Variants in STAMBPL1 observed in about 807,000 individuals in gnomAD.
The protein encoded by STAMBPL1 is STAM binding protein like 1, also known as AMSH-like protease.
In STAMBPL1, 44 loss-of-function variants were observed where a neutral mutation model predicts 52.9. The ratio of observed to expected loss-of-function variants is 0.83; its 90% confidence interval spans 0.65 to 1.07. The LOEUF (loss-of-function observed/expected upper bound fraction) is 1.07. Among genes scored for constraint, STAMBPL1 ranks in the 50% least tolerant of loss-of-function variants. The pLI is 0.00. For missense variants in STAMBPL1, 511 were observed against 520.8 expected, an observed-to-expected ratio of 0.98 and a Z score of 0.18; for synonymous variants, 164 against 177.3, an observed-to-expected ratio of 0.92 and a Z score of 0.60.
At chr10:88,923,102 G>C in intron 10 of STAMBPL1, 66 bp from the exon 11 acceptor site, 10 of 1,187,564 alleles carry the variant, frequency 8.4e-6, no homozygotes, top group Non-Finnish European at 4.8e-6. Context: ...CCTCCCTAAA[G>C]AAAATCATAT....
At chr10:88,905,407 C>A in intron 2 of STAMBPL1, 36 bp from the exon 3 acceptor site, 1 of 1,516,506 alleles carries the variant, frequency 6.6e-7, no homozygotes, top group Non-Finnish European at 9.2e-7. Context: ...TTACTATAAT[C>A]AACAGTTAAT....
intron 7 of STAMBPL1, among the ~76,000 whole-genome samples, chr10:88,914,880 A>G (rs1196631206): frequency 6.6e-6 from 1 of 152,070 alleles, no homozygotes; most frequent in African/African-American, 2.4e-5. Flanking sequence ...CACTATAAAA[A>G]CTTGTCCTAA....
intron 2 of STAMBPL1, among the ~76,000 whole-genome samples, chr10:88,902,161 CTT>C (rs1318887620): frequency 7.9e-5 from 12 of 152,140 alleles, no homozygotes; most frequent in African/African-American, 2.9e-4. Flanking sequence ...GTGTAAATGT[CTT>C]TGTACTTGAA....
chr10:88,917,830 A>C (rs116192851), intron 8 of STAMBPL1, among the ~76,000 whole-genome samples: 4,456 of 152,212 alleles, frequency 0.029, 91 homozygotes, highest in Middle Eastern at 0.11. Flanking sequence ...TGGAGACTGG[A>C]AAGTCCAAGA....
intron 1 of STAMBPL1, among the ~76,000 whole-genome samples, chr10:88,889,539 ATAT>A (rs1255955803): frequency 6.6e-6 from 1 of 152,198 alleles, no homozygotes; most frequent in African/African-American, 2.4e-5. Flanking sequence ...CAGATAATAA[ATAT>A]TATAGCTGTC....
chr10:88,881,074 G>A (rs1844393138), intron 1 of STAMBPL1, among the ~76,000 whole-genome samples: 1 of 152,090 alleles, frequency 6.6e-6, no homozygotes, highest in Admixed American at 6.5e-5. Flanking sequence ...AGGGGCGAGG[G>A]TTAGAAAAAC....
chr10:88,921,889 G>A (rs188592109), intron 9 of STAMBPL1, among the ~76,000 whole-genome samples: 134 of 152,248 alleles, frequency 8.8e-4, no homozygotes, highest in Admixed American at 8.4e-3. Context: ...CCTGCCCATC[G>A]GGGATGGATG....
intron 1 of STAMBPL1, chr10:88,882,809 A>C (rs768645878): frequency 6.6e-6 from 1 of 152,226 alleles, no homozygotes; most frequent in African/African-American, 2.4e-5. Context: ...GGGCTGATGC[A>C]TAGCAGCTCT....
chr10:88,895,010 T>C (rs12263461), intron 1 of STAMBPL1, among the ~76,000 whole-genome samples: 11,014 of 152,222 alleles, frequency 0.072, 1,012 homozygotes, highest in African/African-American at 0.21. Context: ...GCATTTTAAA[T>C]CTTATATAAT....
chr10:88,894,175 G>T (rs1024961361), intron 1 of STAMBPL1, among the ~76,000 whole-genome samples: 7 of 152,108 alleles, frequency 4.6e-5, no homozygotes, highest in Admixed American at 2.6e-4. Context: ...AGTTTGGGAA[G>T]CTGCAGTTCT....
At position 88,915,040 on chromosome 10, in the gene STAMBPL1, G is replaced by A. The variant is rs950810807; in HGVS notation, c.903+382G>A. Reference sequence around the variant, plus strand: ...ATATAATTAACTTCATCTGTGGCATGTATTATCTTGCTGTTCTTTTTCAGA... The same window carrying A: ...ATATAATTAACTTCATCTGTGGCATATATTATCTTGCTGTTCTTTTTCAGA... On this transcript the variant is annotated intron_variant, in intron 7 of 10. Transcript: ENST00000371926. Among the ~76,000 whole-genome samples the A allele has an allele frequency of 3.9e-5, 6 of 152,198 alleles. No homozygotes were observed. The East Asian group carries it at 9.6e-4, about 24-fold the overall frequency.
At chr10:88,909,815 G>A (rs1282543512) in intron 4 of STAMBPL1, among the ~76,000 whole-genome samples, 2 of 152,118 alleles carry the variant, frequency 1.3e-5, no homozygotes, top group Non-Finnish European at 2.9e-5. Context: ...TGGCCAGGCT[G>A]GTCTTGAACT....
rs572031618 is a variant in STAMBPL1 at position 88,889,146 on chromosome 10, T to C, written c.-54+8508T>C. ...TCCTTTCTAACAGTTTCATATGCTATAGAGATTCTTTATTTTAAGTATTCC... is the reference window on the plus strand; with the variant it reads ...TCCTTTCTAACAGTTTCATATGCTACAGAGATTCTTTATTTTAAGTATTCC... On this transcript the variant is annotated intron_variant, in intron 1 of 10. Coordinates refer to ENST00000371926, the MANE Select transcript of STAMBPL1 (RefSeq NM_020799.4). Among the ~76,000 whole-genome samples the C allele has an allele frequency of 2.6e-5, 4 of 152,356 alleles. No homozygotes were observed. The South Asian group carries it at 8.3e-4, about 32-fold the overall frequency.
Position 88,914,554 on chromosome 10 carries a change from C to A in STAMBPL1, c.799C>A (p.Arg267=), listed in dbSNP as rs538518690. 9 of 1,532,278 alleles carry A rather than the reference C, an allele frequency of 5.9e-6. No homozygotes were observed. The highest frequency in any genetic ancestry group is 5.6e-5 in the African/African-American group (4 of 71,150). The allele number at this position is 1,532,278 out of a possible 1,614,324, so 94.9% of individuals were successfully genotyped here. The change falls in exon 7 of 11, where the codon CGA becomes AGA. Residue 267 remains arginine (R), a synonymous_variant. Transcript: ENST00000371926. ...CTTAGATTTAGTGGTTGAAGGACTGCGATGTGTAGTTTTGCCAGAAGATCT... is the reference window on the plus strand; with the variant it reads ...CTTAGATTTAGTGGTTGAAGGACTGAGATGTGTAGTTTTGCCAGAAGATCT... ...AVQNLVVEGL[R]CVVLPEDLCH...
chr10:88,910,059 A>G lies in STAMBPL1; in HGVS notation c.325-857A>G, dbSNP rs573257178. On this transcript the variant is annotated intron_variant, in intron 4 of 10. Coordinates refer to ENST00000371926, the MANE Select transcript of STAMBPL1 (RefSeq NM_020799.4). ...CACGGTGACTCATGTACTATAACTT[A>G]GGGTTATGCTTATTTTTTTTGTAGG... is the stretch of plus-strand genomic sequence containing the variant. 9.9e-4 allele frequency among the ~76,000 whole-genome samples: 151 copies of G among 152,280 alleles called. 1 individual carries two copies. Among genetic ancestry groups the G allele is most frequent in the African/African-American group, 3.5e-3 (145 of 41,546 alleles).
At chr10:88,898,851 T>C (rs12242274) in intron 1 of STAMBPL1, among the ~76,000 whole-genome samples, 8,234 of 152,266 alleles carry the variant, frequency 0.054, 574 homozygotes, top group African/African-American at 0.16. Flanking sequence ...ATATTTACAT[T>C]TTCGGCCATC....
intron 5 of STAMBPL1, 149 bp downstream of exon 5, chr10:88,911,160 G>A: frequency 2.0e-6 from 1 of 496,312 alleles, no homozygotes; most frequent in Non-Finnish European, 3.5e-6. Flanking sequence ...AAAAATTTAT[G>A]CTGATATCCA....
chr10:88,918,308 C>CACACACACACACACAT (rs1554839220), intron 8 of STAMBPL1, among the ~76,000 whole-genome samples: 133 of 144,936 alleles, frequency 9.2e-4, no homozygotes, highest in African/African-American at 3.4e-3. Flanking sequence ...CACACACATA[C>CACACACACACACACAT]ACACACACAC....
chr10:88,905,530 A>G lies in STAMBPL1; in HGVS notation c.118A>G (p.Ile40Val). ...TGCCCTAAGCAAGCTTGGTTGTAAT[A>G]TCACCATCAGTGAAGACATCACTCC... ...VRALSKLGCN[I>V]TISEDITPRR... The change falls in exon 3 of 11, where the codon ATC (isoleucine) becomes GTC (valine). Residue 40 changes from isoleucine to valine, a missense_variant. Around this residue, in one of 3 missense-constraint regions of STAMBPL1, gnomAD observed 358 missense variants for 343.5 expected, o/e 1.04. Coordinates refer to ENST00000371926, the MANE Select transcript of STAMBPL1 (RefSeq NM_020799.4). The G allele has an allele frequency of 6.2e-7, 1 of 1,614,142 alleles. No individual in the cohort carries two copies. Among genetic ancestry groups the G allele is most frequent in the African/African-American group, 1.3e-5 (1 of 75,046 alleles).
Sources: gnomAD v4.1 joint callset for allele counts (sites outside exome capture counted in the v4.1 genomes callset) on GRCh38, gnomAD v4.1.1 for gene constraint, gnomAD v4.1.1 regional missense constraint, MANE v1.5 for transcripts, NCBI Gene and HGNC (gene_info 2026-07-23, HGNC 2026-07-21) for gene names.